The following GSK3B variants were observed in gnomAD, a reference collection of about 807,000 sequenced individuals.
The protein encoded by GSK3B is glycogen synthase kinase 3 beta.
Under a neutral mutation model 56.4 loss-of-function variants are expected in GSK3B, and 15 were observed. That is an observed-to-expected ratio of 0.27 (90% CI 0.18 to 0.41). The LOEUF is 0.41. GSK3B is among the 10% of genes least tolerant of loss of function. The probability of loss-of-function intolerance (pLI) is 1.00; values close to 1 mark genes in which losing one functional copy is unlikely to be tolerated. For missense variants in GSK3B, 300 were observed against 513.4 expected, an observed-to-expected ratio of 0.58 and a Z score of 4.02; for synonymous variants, 181 against 188.9, an observed-to-expected ratio of 0.96 and a Z score of 0.34.
intron 9 of GSK3B, among the ~76,000 whole-genome samples, chr3:119,860,125 A>G (rs373277784): frequency 2.0e-5 from 3 of 152,360 alleles, no homozygotes; most frequent in South Asian, 2.1e-4. Flanking sequence ...TGTGTGTGAT[A>G]GAGTTAGGGG....
intron 1 of GSK3B, among the ~76,000 whole-genome samples, chr3:120,011,126 A>G (rs1290701990): frequency 6.6e-6 from 1 of 152,184 alleles, no homozygotes; most frequent in African/African-American, 2.4e-5. Context: ...TGAAAAACGG[A>G]AAACAAAAAC....
At chr3:119,876,574 A>G (rs2056316275) in intron 7 of GSK3B, 66 bp from the exon 8 acceptor site, 1 of 874,346 alleles carries the variant, frequency 1.1e-6, no homozygotes, top group Non-Finnish European at 1.9e-6. Flanking sequence ...CCATGTTTTC[A>G]GGCATTGGAT....
intron 1 of GSK3B, among the ~76,000 whole-genome samples, chr3:120,056,777 A>T (rs2058194775): frequency 6.6e-6 from 1 of 152,210 alleles, no homozygotes; most frequent in Non-Finnish European, 1.5e-5. Flanking sequence ...TACCCCCAAA[A>T]TGGGAATGAG....
chr3:120,067,059 T>G (rs2058286774), intron 1 of GSK3B, among the ~76,000 whole-genome samples: 1 of 152,150 alleles, frequency 6.6e-6, no homozygotes, highest in South Asian at 2.1e-4. Context: ...TTTACAAATT[T>G]GTGTTGGGCC....
chr3:120,023,459 C>G (rs2057896915), intron 1 of GSK3B, among the ~76,000 whole-genome samples: 1 of 151,452 alleles, frequency 6.6e-6, no homozygotes, highest in Non-Finnish European at 1.5e-5. Context: ...AAACTAAATA[C>G]CCATGTGAAG....
At chr3:119,838,253 C>T (rs2055722492) in intron 10 of GSK3B, among the ~76,000 whole-genome samples, 1 of 151,962 alleles carries the variant, frequency 6.6e-6, no homozygotes, top group African/African-American at 2.4e-5. Flanking sequence ...ACACACTGTA[C>T]TCCAGTCTGG....
chr3:119,953,540 GAGAC>G (rs572371133), intron 2 of GSK3B, among the ~76,000 whole-genome samples: 39 of 152,284 alleles, frequency 2.6e-4, no homozygotes, highest in East Asian at 9.6e-4. Context: ...CATGTTGGCA[GAGAC>G]AGACAGAGAG....
intron 9 of GSK3B, among the ~76,000 whole-genome samples, chr3:119,851,244 T>C (rs2055925924): frequency 6.6e-6 from 1 of 152,266 alleles, no homozygotes; most frequent in Non-Finnish European, 1.5e-5. Flanking sequence ...TTTGCTGCAT[T>C]GTTTTATACT....
Position 119,825,421 on chromosome 3 carries a change from G to A in GSK3B, c.*1367C>T. On this transcript the variant is annotated 3_prime_UTR_variant, in exon 11 of 11. Transcript: ENST00000264235. ...AAACAGACACAAAAACTCTTAACTG[G>A]GTGTGGGGGAAACATTCTTCTCATG... 4.3e-6 allele frequency: 1 copy of A among 229,964 alleles called. No individual in the cohort carries two copies. The highest frequency in any genetic ancestry group is 8.6e-6 in the Non-Finnish European group (1 of 116,190). 14.2% of individuals were successfully genotyped at this position (229,964 alleles called of 1,614,324 possible). A position where few individuals can be genotyped will look rare whatever the true frequency, so the allele number is the denominator to read the frequency against.
chr3:119,938,013 C>A (rs1320644887), intron 3 of GSK3B, among the ~76,000 whole-genome samples: 1 of 150,580 alleles, frequency 6.6e-6, no homozygotes, highest in East Asian at 1.9e-4. Context: ...ACATATTAGA[C>A]AACCTGGATG....
intron 8 of GSK3B, among the ~76,000 whole-genome samples, chr3:119,865,466 ATTTTTTTT>A (rs779477802): frequency 1.9e-3 from 65 of 34,084 alleles, no homozygotes; most frequent in South Asian, 5.4e-3. Flanking sequence ...ATATATATAT[ATTTTTTTT>A]TTTTTTTTTT....
chr3:119,889,757 G>A (rs1482995532), intron 7 of GSK3B, among the ~76,000 whole-genome samples: 2 of 152,008 alleles, frequency 1.3e-5, no homozygotes, highest in East Asian at 1.9e-4. Context: ...GGCAGAAATT[G>A]TCAAACTCAA....
At chr3:120,003,100 G>A (rs2057694166) in intron 1 of GSK3B, among the ~76,000 whole-genome samples, 1 of 152,144 alleles carries the variant, frequency 6.6e-6, no homozygotes, top group Non-Finnish European at 1.5e-5. Flanking sequence ...ATGTTAATTT[G>A]GGGTTAACAG....
intron 1 of GSK3B, among the ~76,000 whole-genome samples, chr3:120,068,774 T>C (rs2058302306): frequency 6.6e-6 from 1 of 151,582 alleles, no homozygotes; most frequent in Non-Finnish European, 1.5e-5. Context: ...AAAAGTATGA[T>C]TGACCATGTA....
chr3:119,920,929 AC>A (rs1269442512), intron 4 of GSK3B, among the ~76,000 whole-genome samples: 1 of 152,206 alleles, frequency 6.6e-6, no homozygotes, highest in Admixed American at 6.5e-5. Flanking sequence ...AGAAACAATA[AC>A]CAATCCCGTG....
chr3:119,965,902 GGTT>G (rs1221044088), intron 2 of GSK3B, among the ~76,000 whole-genome samples: 58 of 152,276 alleles, frequency 3.8e-4, no homozygotes, highest in Non-Finnish European at 4.3e-4. Flanking sequence ...AATTCAGTTT[GGTT>G]GTTATCTATC....
At chr3:120,088,055 C>T (rs1380106395) in intron 1 of GSK3B, among the ~76,000 whole-genome samples, 2 of 152,062 alleles carry the variant, frequency 1.3e-5, no homozygotes, top group African/African-American at 2.4e-5. Flanking sequence ...ACCACGCCCC[C>T]GCTAATTTTT....
At chr3:119,997,584 A>C (rs2057632395) in intron 2 of GSK3B, among the ~76,000 whole-genome samples, 1 of 152,234 alleles carries the variant, frequency 6.6e-6, no homozygotes, top group Admixed American at 6.5e-5. Context: ...ACACAATTTT[A>C]ATCAAATCTA....
chr3:119,875,224 GAAGA>G (rs888140944), intron 8 of GSK3B, among the ~76,000 whole-genome samples: 13 of 151,910 alleles, frequency 8.6e-5, no homozygotes, highest in Admixed American at 2.6e-4. Flanking sequence ...AGAATTTTCT[GAAGA>G]TAGATAATGA....
Sources: allele counts gnomAD v4.1 joint callset (sites outside exome capture counted in the v4.1 genomes callset), GRCh38; gene constraint gnomAD v4.1.1; transcripts MANE v1.5; gene names NCBI Gene and HGNC (gene_info 2026-07-23, HGNC 2026-07-21).